Variants in SLC24A3 observed in about 807,000 individuals in gnomAD.
SLC24A3 encodes the protein sodium/potassium/calcium exchanger 3.
SLC24A3 carries 28 observed loss-of-function variants against 75.8 expected under a neutral mutation model. That is an observed-to-expected ratio of 0.37 (90% CI 0.27 to 0.51). The LOEUF is 0.51. Among genes scored for constraint, SLC24A3 ranks in the 20% least tolerant of loss-of-function variants. The probability of loss-of-function intolerance (pLI) is 0.94; values close to 1 mark genes in which losing one functional copy is unlikely to be tolerated. For missense variants in SLC24A3, 663 were observed against 847.8 expected (o/e 0.78, Z 2.71); for synonymous variants, 372 against 334.1 (o/e 1.11, Z -1.24).
intron 2 of SLC24A3, among the ~76,000 whole-genome samples, chr20:19,509,800 G>A (rs1988510377): frequency 6.6e-6 from 1 of 152,222 alleles, no homozygotes; most frequent in African/African-American, 2.4e-5. Context: ...TGGGAAGGAG[G>A]ATCCTCAGAG....
chr20:19,467,197 T>C (rs950596365), intron 2 of SLC24A3, among the ~76,000 whole-genome samples: 1 of 152,118 alleles, frequency 6.6e-6, no homozygotes, highest in African/African-American at 2.4e-5. Context: ...CATTGAGTGG[T>C]CCAGGGAAGA....
chr20:19,242,983 A>G (rs1600389819), intron 1 of SLC24A3, among the ~76,000 whole-genome samples: 1 of 152,212 alleles, frequency 6.6e-6, no homozygotes, highest in African/African-American at 2.4e-5. Context: ...TCTTCTTAGT[A>G]AAGTTCAATA....
intron 2 of SLC24A3, among the ~76,000 whole-genome samples, chr20:19,338,022 G>A (rs1211648325): frequency 2.0e-5 from 3 of 152,160 alleles, no homozygotes; most frequent in Non-Finnish European, 4.4e-5. Flanking sequence ...GATGGGAGGA[G>A]AAAAATCCAA....
At chr20:19,248,733 A>G (rs1003880084) in intron 1 of SLC24A3, among the ~76,000 whole-genome samples, 2 of 152,092 alleles carry the variant, frequency 1.3e-5, no homozygotes, top group African/African-American at 2.4e-5. Flanking sequence ...GATAGCCAAG[A>G]TACGGCAGCA....
intron 2 of SLC24A3, among the ~76,000 whole-genome samples, chr20:19,398,601 TAGAGGGTTATAACATCTGCAAATGAAGA>T (rs1429623113): frequency 2.0e-5 from 3 of 152,118 alleles, no homozygotes; most frequent in African/African-American, 7.2e-5. Context: ...ATTTTCCACA[TAGAGGGTTATAACATCTGCAAATGAAGA>T]CAGTTTTCTT....
At position 19,433,380 on chromosome 20, in the gene SLC24A3, A is replaced by G. The variant is rs370454620; in HGVS notation, c.272-82108A>G. Among the ~76,000 whole-genome samples, 30 of 152,364 alleles carry G rather than the reference A, an allele frequency of 2.0e-4. No individual in the cohort carries two copies. In the East Asian group the frequency reaches 5.2e-3, roughly 26 times the overall value. On this transcript the variant is annotated intron_variant, in intron 2 of 16. Transcript: ENST00000328041. The stretch of plus-strand genomic sequence containing the variant: ...TGGTTTTAATGAATGTTCCGCAGGG[A>G]AAACGCACCAAGATTTGTTGTTTGA...
intron 6 of SLC24A3, among the ~76,000 whole-genome samples, chr20:19,642,224 G>A (rs529981363): frequency 5.7e-4 from 87 of 152,316 alleles, no homozygotes; most frequent in African/African-American, 1.9e-3. Context: ...ATTCAGAGGG[G>A]TCTGTTCTTC....
At chr20:19,611,011 C>T (rs1311579483) in intron 6 of SLC24A3, among the ~76,000 whole-genome samples, 1 of 152,042 alleles carries the variant, frequency 6.6e-6, no homozygotes, top group Non-Finnish European at 1.5e-5. Flanking sequence ...AAACACACTG[C>T]AGAGGGCACA....
intron 3 of SLC24A3, among the ~76,000 whole-genome samples, chr20:19,552,034 G>A (rs1384878889): frequency 6.6e-6 from 1 of 152,198 alleles, no homozygotes; most frequent in South Asian, 2.1e-4. Flanking sequence ...TATTTTCTCA[G>A]TTTAGTTACC....
At chr20:19,338,767 T>C (rs996573137) in intron 2 of SLC24A3, among the ~76,000 whole-genome samples, 10 of 152,172 alleles carry the variant, frequency 6.6e-5, no homozygotes, top group African/African-American at 1.9e-4. Flanking sequence ...GTGCTTATGA[T>C]ATGGGGCTGC....
At chr20:19,339,911 C>T (rs905819926) in intron 2 of SLC24A3, among the ~76,000 whole-genome samples, 2 of 152,188 alleles carry the variant, frequency 1.3e-5, no homozygotes, top group African/African-American at 4.8e-5. Flanking sequence ...AAAAGAATTC[C>T]TTCTGGCAGT....
At chr20:19,436,197 A>G (rs1987199057) in intron 2 of SLC24A3, among the ~76,000 whole-genome samples, 1 of 152,120 alleles carries the variant, frequency 6.6e-6, no homozygotes, top group African/African-American at 2.4e-5. Context: ...AATAGTACTT[A>G]TGTTTTCCTA....
At chr20:19,345,628 G>T (rs1483007118) in intron 2 of SLC24A3, among the ~76,000 whole-genome samples, 1 of 152,062 alleles carries the variant, frequency 6.6e-6, no homozygotes, top group East Asian at 1.9e-4. Flanking sequence ...GTGGGCTAAG[G>T]ACATAAATAG....
At chr20:19,232,205 T>C (rs1982041206) in intron 1 of SLC24A3, among the ~76,000 whole-genome samples, 1 of 152,250 alleles carries the variant, frequency 6.6e-6, no homozygotes, top group African/African-American at 2.4e-5. Context: ...TTTGGTCATA[T>C]GTGTAAATAT....
At chr20:19,385,410 G>A (rs1028228195) in intron 2 of SLC24A3, among the ~76,000 whole-genome samples, 4 of 152,150 alleles carry the variant, frequency 2.6e-5, no homozygotes, top group African/African-American at 9.7e-5. Flanking sequence ...TTTCCCCGTT[G>A]TGTGTTCTTG....
At chr20:19,579,431 T>TCATTCCACATACCTTTATGGA (rs1382999691) in intron 3 of SLC24A3, among the ~76,000 whole-genome samples, 1 of 152,202 alleles carries the variant, frequency 6.6e-6, no homozygotes, top group Non-Finnish European at 1.5e-5. Flanking sequence ...ATTTATTCCC[T>TCATTCCACATACCTTTATGGA]CATTCCACAT....
chr20:19,571,784 C>A (rs754487225), intron 3 of SLC24A3, among the ~76,000 whole-genome samples: 2 of 152,238 alleles, frequency 1.3e-5, no homozygotes, highest in East Asian at 1.9e-4. Flanking sequence ...GACTAAATAA[C>A]CATAGGGTGG....
chr20:19,665,822 TG>T, intron 7 of SLC24A3, 41 bp from the exon 8 acceptor site: 1 of 1,544,774 alleles, frequency 6.5e-7, no homozygotes. Flanking sequence ...TGTGTGTGTG[TG>T]TGTGTGTGTC....
chr20:19,371,677 T>G (rs1160561947), intron 2 of SLC24A3, among the ~76,000 whole-genome samples: 1 of 152,162 alleles, frequency 6.6e-6, no homozygotes, highest in Non-Finnish European at 1.5e-5. Context: ...TTTAGTGGTA[T>G]ATTTCCCTAC....
Sources: allele counts gnomAD v4.1 joint callset (sites outside exome capture counted in the v4.1 genomes callset), GRCh38; gene constraint gnomAD v4.1.1; transcripts MANE v1.5; gene names NCBI Gene and HGNC (gene_info 2026-07-23, HGNC 2026-07-21).